The following ADAMTSL3 variants were observed in gnomAD, a reference collection of about 807,000 sequenced individuals.
The protein encoded by ADAMTSL3 is ADAMTS-like protein 3.
Under a neutral mutation model 201.7 loss-of-function variants are expected in ADAMTSL3, and 128 were observed. That is an observed-to-expected ratio of 0.63 (90% CI 0.55 to 0.73). The LOEUF is 0.73. Among genes scored for constraint, ADAMTSL3 ranks in the 30% least tolerant of loss-of-function variants. The pLI, the probability that ADAMTSL3 is intolerant of heterozygous loss-of-function variation, is 0.00. For missense variants in ADAMTSL3, 1,990 were observed against 2,119.6 expected (o/e 0.94, Z 1.20); for synonymous variants, 738 against 748.4 (o/e 0.99, Z 0.23).
chr15:84,037,042 T>G (rs768390928), intron 29 of ADAMTSL3, 55 bp downstream of exon 29: 1 of 1,531,834 alleles, frequency 6.5e-7, no homozygotes. Flanking sequence ...TGGCATCAGA[T>G]CCTGATGCTA....
At chr15:83,893,002 C>A in intron 13 of ADAMTSL3, 114 bp downstream of exon 13, 2 of 1,015,602 alleles carry the variant, frequency 2.0e-6, no homozygotes, top group Non-Finnish European at 2.9e-6. Flanking sequence ...GGTAAAAGAG[C>A]ATGGTTCCTA....
intron 19 of ADAMTSL3, chr15:83,962,632 T>C: frequency 6.6e-6 from 1 of 152,234 alleles, no homozygotes; most frequent in East Asian, 1.9e-4. Context: ...ATATGGCAGT[T>C]TGGGTGATTT....
chr15:83,692,902 C>A (rs915873123), intron 2 of ADAMTSL3, among the ~76,000 whole-genome samples: 3 of 152,050 alleles, frequency 2.0e-5, no homozygotes, highest in Non-Finnish European at 4.4e-5. Context: ...TGAAAGCCTG[C>A]ATGATTTCAG....
At chr15:83,812,733 C>CT (rs2063717053) in intron 5 of ADAMTSL3, among the ~76,000 whole-genome samples, 1 of 152,210 alleles carries the variant, frequency 6.6e-6, no homozygotes, top group Admixed American at 6.5e-5. Flanking sequence ...GGGTTGTTGT[C>CT]TATACGTGTT....
chr15:83,868,853 A>G (rs1041465600), intron 8 of ADAMTSL3, among the ~76,000 whole-genome samples: 4 of 152,202 alleles, frequency 2.6e-5, no homozygotes, highest in African/African-American at 9.7e-5. Flanking sequence ...ATTCTGTATT[A>G]AAAACAAAGT....
chr15:83,938,298 A>T (rs1199505221), intron 17 of ADAMTSL3, among the ~76,000 whole-genome samples: 1 of 152,162 alleles, frequency 6.6e-6, no homozygotes. Flanking sequence ...GTGGTGGGCC[A>T]CTGCTGGTCA....
chr15:83,916,868 C>T (rs572424178), intron 16 of ADAMTSL3, among the ~76,000 whole-genome samples: 89 of 152,334 alleles, frequency 5.8e-4, no homozygotes, highest in African/African-American at 2.1e-3. Context: ...ACTAAATCTT[C>T]AGGGATATAA....
intron 4 of ADAMTSL3, among the ~76,000 whole-genome samples, chr15:83,799,667 CAT>C (rs1460137497): frequency 5.9e-5 from 9 of 152,232 alleles, no homozygotes; most frequent in East Asian, 5.8e-4. Flanking sequence ...GTGGAATCAA[CAT>C]ATGTTTTTTA....
At chr15:83,822,148 C>G (rs1398453386) in intron 6 of ADAMTSL3, among the ~76,000 whole-genome samples, 1 of 150,590 alleles carries the variant, frequency 6.6e-6, no homozygotes, top group Non-Finnish European at 1.5e-5. Flanking sequence ...ACCTCCCTCC[C>G]AGACGGGGCG....
At chr15:83,796,230 A>G (rs1348591544) in intron 4 of ADAMTSL3, among the ~76,000 whole-genome samples, 1 of 152,198 alleles carries the variant, frequency 6.6e-6, no homozygotes, top group East Asian at 1.9e-4. Flanking sequence ...AATGAAATAG[A>G]AGGATAACTC....
chr15:83,746,823 C>T (rs767530047), intron 3 of ADAMTSL3, among the ~76,000 whole-genome samples: 2 of 152,192 alleles, frequency 1.3e-5, no homozygotes, highest in African/African-American at 4.8e-5. Flanking sequence ...ATGATTGTAC[C>T]ACTGCACTCC....
At chr15:83,762,126 C>T (rs2062816877) in intron 3 of ADAMTSL3, among the ~76,000 whole-genome samples, 1 of 151,976 alleles carries the variant, frequency 6.6e-6, no homozygotes, top group South Asian at 2.1e-4. Flanking sequence ...TCTCAGCTCA[C>T]TGCAACCTCC....
At chr15:84,002,936 C>CTTTT (rs368176543) in intron 23 of ADAMTSL3, among the ~76,000 whole-genome samples, 7 of 99,984 alleles carry the variant, frequency 7.0e-5, no homozygotes, top group Non-Finnish European at 1.1e-4. Context: ...CTTTTCTTTT[C>CTTTT]TTTTTTTTTT....
intron 13 of ADAMTSL3, among the ~76,000 whole-genome samples, chr15:83,894,607 A>G (rs2065576167): frequency 6.6e-6 from 1 of 152,084 alleles, no homozygotes; most frequent in Non-Finnish European, 1.5e-5. Flanking sequence ...TTGAACTCAC[A>G]TTTGCAATCT....
chr15:83,970,685 A>G lies in ADAMTSL3; in HGVS notation c.2644+48A>G, dbSNP rs376414644. On this transcript the variant is annotated intron_variant, in intron 20 of 29. Transcript: ENST00000286744. ...TCACCAAGATATGCTGATTCTGTTC[A>G]TTTTGTCCCGATGTCTTTATTTTCC... 8 of 1,600,214 alleles carry G rather than the reference A, an allele frequency of 5.0e-6. No homozygotes were observed. In the African/African-American group the frequency reaches 1.1e-4, roughly 21 times the overall value.
At chr15:83,767,161 C>T (rs1042019436) in intron 3 of ADAMTSL3, among the ~76,000 whole-genome samples, 1 of 152,160 alleles carries the variant, frequency 6.6e-6, no homozygotes, top group Non-Finnish European at 1.5e-5. Flanking sequence ...CACAGTTGTT[C>T]ACCTGCAAAA....
intron 4 of ADAMTSL3, among the ~76,000 whole-genome samples, chr15:83,798,051 TAG>T (rs148404530): frequency 1.6e-4 from 24 of 152,330 alleles, no homozygotes; most frequent in African/African-American, 5.0e-4. Context: ...GTGAATGAAT[TAG>T]AGTTACATCT....
intron 6 of ADAMTSL3, among the ~76,000 whole-genome samples, chr15:83,831,677 C>T (rs1181549500): frequency 2.0e-5 from 3 of 152,108 alleles, no homozygotes; most frequent in African/African-American, 4.8e-5. Flanking sequence ...TACAGGTGTG[C>T]CACCACTGGC....
intron 9 of ADAMTSL3, among the ~76,000 whole-genome samples, chr15:83,876,368 A>T (rs973635511): frequency 1.3e-5 from 2 of 151,654 alleles, no homozygotes; most frequent in African/African-American, 4.8e-5. Flanking sequence ...TACTTCTTTT[A>T]TCTTTGTATG....
Sources: allele counts gnomAD v4.1 joint callset (sites outside exome capture counted in the v4.1 genomes callset), GRCh38; gene constraint gnomAD v4.1.1; transcripts MANE v1.5; gene names NCBI Gene and HGNC (gene_info 2026-07-23, HGNC 2026-07-21).